Variants in ARVCF observed in about 807,000 individuals in gnomAD.
ARVCF encodes the protein splicing regulator ARVCF.
In ARVCF, 66 loss-of-function variants were observed where a neutral mutation model predicts 90.9. The ratio of observed to expected loss-of-function variants is 0.73; its 90% CI spans 0.60 to 0.89. ARVCF has a LOEUF of 0.89. Ranked by LOEUF, ARVCF falls within the 40% of genes least tolerant of loss-of-function variation. ARVCF has a pLI of 0.00. For missense variants in ARVCF, 1,469 were observed against 1,382.3 expected (o/e 1.06, Z -1.00); for synonymous variants, 653 against 603.4 (o/e 1.08, Z -1.21).
rs73387711 is a variant in ARVCF at position 19,970,221 on chromosome 22, G to C, written c.*535C>G. 3.0e-3 allele frequency: 2,923 copies of C among 989,508 alleles called. 72 individuals are homozygous for C. The African/African-American group carries it at 0.045, about 15-fold the overall frequency. 61.3% of individuals were successfully genotyped at this position (989,508 alleles called of 1,614,324 possible). On this transcript the variant is annotated 3_prime_UTR_variant, in exon 20 of 20. Transcript: ENST00000263207. Reference sequence around the variant, plus strand: ...TGACCCCCACCTTGCTGCTTCCAAAGCTTCCTTGCCCAGGGCTGGGCCTTG... The same window carrying C: ...TGACCCCCACCTTGCTGCTTCCAAACCTTCCTTGCCCAGGGCTGGGCCTTG...
intron 2 of ARVCF, among the ~76,000 whole-genome samples, chr22:20,006,167 G>C (rs2146473273): frequency 6.6e-6 from 1 of 152,278 alleles, no homozygotes; most frequent in East Asian, 1.9e-4. Context: ...AAAAAGTTCT[G>C]AAATTGGTTG....
At chr22:19,972,901 G>T in intron 15 of ARVCF, 24 bp downstream of exon 15, 1 of 1,613,852 alleles carries the variant, frequency 6.2e-7, no homozygotes, top group Non-Finnish European at 8.5e-7. Flanking sequence ...GCAGGGAATG[G>T]AAGGAAGGCC....
intron 2 of ARVCF, among the ~76,000 whole-genome samples, chr22:20,001,327 C>T (rs1350106194): frequency 1.3e-5 from 2 of 152,200 alleles, no homozygotes; most frequent in Non-Finnish European, 2.9e-5. Flanking sequence ...TGCACAGACC[C>T]ACCTGCAGGG....
At chr22:19,977,918 C>T in intron 8 of ARVCF, 40 bp downstream of exon 8, 1 of 1,563,292 alleles carries the variant, frequency 6.4e-7, no homozygotes, top group Admixed American at 1.8e-5. Context: ...ATGATCGTCT[C>T]TCCAGCCCTT....
At chr22:19,967,513 G>C, downstream of ARVCF, 1 of 399,412 alleles carries the variant, frequency 2.5e-6, no homozygotes, top group Non-Finnish European at 5.0e-6. Context: ...TGTCCATACT[G>C]TCACATGAAA....
chr22:20,012,953 G>A (rs1018904021), intron 1 of ARVCF, among the ~76,000 whole-genome samples: 2 of 152,236 alleles, frequency 1.3e-5, no homozygotes, highest in African/African-American at 4.8e-5. Context: ...AGGCAATGAG[G>A]GGCCCAGGTG....
chr22:19,974,379 T>C (rs1455636998), intron 11 of ARVCF, 140 bp from the exon 12 acceptor site: 2 of 1,040,078 alleles, frequency 1.9e-6, no homozygotes. Flanking sequence ...ACGTAATATT[T>C]ACTATCAACA....
chr22:20,012,086 C>CT (rs947326311), intron 1 of ARVCF, among the ~76,000 whole-genome samples: 15 of 127,126 alleles, frequency 1.2e-4, no homozygotes, highest in African/African-American at 3.7e-4. Flanking sequence ...AAGTCCCCCC[C>CT]CCCCACCCAG....
chr22:19,993,902 T>C (rs1178174193), intron 2 of ARVCF, among the ~76,000 whole-genome samples: 1 of 152,102 alleles, frequency 6.6e-6, no homozygotes, highest in Non-Finnish European at 1.5e-5. Context: ...ACAATGGACA[T>C]TGGCCACGTA....
chr22:20,007,165 G>A (rs887068682), intron 2 of ARVCF, among the ~76,000 whole-genome samples: 2 of 152,028 alleles, frequency 1.3e-5, no homozygotes, highest in Non-Finnish European at 2.9e-5. Flanking sequence ...TTGGGAGGCC[G>A]AGGCGGGAGG....
At chr22:19,968,575 G>T, downstream of ARVCF, 1 of 1,614,092 alleles carries the variant, frequency 6.2e-7, no homozygotes, top group South Asian at 1.1e-5. Flanking sequence ...GCTACTGGCT[G>T]ACAACGTGAT....
chr22:19,990,543 C>T lies in ARVCF; in HGVS notation c.210+42G>A, dbSNP rs781183958. On this transcript the variant is annotated intron_variant, in intron 3 of 19. Transcript: ENST00000263207. The stretch of plus-strand genomic sequence containing the variant: ...CACCAGGACCCACTGATTGTTTTCC[C>T]ACTTGGCAATTTTCACCCTTCCCAA... 5 of 1,562,532 alleles carry T rather than the reference C, an allele frequency of 3.2e-6. No homozygotes were observed. In the African/African-American group the frequency reaches 6.7e-5, roughly 21 times the overall value.
chr22:20,015,825 T>C (rs1467908379), intron 1 of ARVCF, among the ~76,000 whole-genome samples: 1 of 152,140 alleles, frequency 6.6e-6, no homozygotes, highest in Non-Finnish European at 1.5e-5. Flanking sequence ...TGAAGTCCTT[T>C]AGTTCCATTT....
intron 2 of ARVCF, among the ~76,000 whole-genome samples, chr22:19,994,416 G>A (rs1569182208): frequency 7.0e-6 from 1 of 142,752 alleles, no homozygotes; most frequent in Admixed American, 7.0e-5. Context: ...ATGGATGGAT[G>A]GGTGGGTCGG....
rs752903962 is a variant in ARVCF, at chr22:19,981,515, T to C, written c.592A>G (p.Ser198Gly). 1.0e-5 allele frequency: 16 copies of C among 1,568,318 alleles called. No homozygotes were observed. Among genetic ancestry groups the C allele is most frequent in the Non-Finnish European group, 1.3e-5 (15 of 1,158,306 alleles). The change falls in exon 5 of 20, where the codon AGC becomes GGC. Residue 198 changes from serine to glycine, a missense_variant. Transcript: ENST00000263207. ...GFPEGPEPRD[S>G]PSYGSLSRGL... Reference sequence around the variant, plus strand: ...CGGGACAGGCTGCCATAGCTGGGGCTGTCCCGGGGCTCGGGGCCTTCGGGA... The same window carrying C: ...CGGGACAGGCTGCCATAGCTGGGGCCGTCCCGGGGCTCGGGGCCTTCGGGA...
At chr22:19,984,773 T>C (rs988332735) in intron 3 of ARVCF, among the ~76,000 whole-genome samples, 1 of 152,208 alleles carries the variant, frequency 6.6e-6, no homozygotes, top group African/African-American at 2.4e-5. Context: ...CCCTTATCCA[T>C]GCAGGGCCTC....
At chr22:20,005,567 C>T (rs1246301455) in intron 2 of ARVCF, among the ~76,000 whole-genome samples, 1 of 152,158 alleles carries the variant, frequency 6.6e-6, no homozygotes, top group African/African-American at 2.4e-5. Flanking sequence ...CGCCTGTAAT[C>T]CCAACACTTT....
chr22:20,005,712 T>C (rs1944598011), intron 2 of ARVCF, among the ~76,000 whole-genome samples: 2 of 151,650 alleles, frequency 1.3e-5, no homozygotes, highest in African/African-American at 4.9e-5. Context: ...CCCAGCTACT[T>C]GTGAACTTGG....
chr22:20,003,985 T>C (rs151074774), intron 2 of ARVCF, among the ~76,000 whole-genome samples: 1 of 152,158 alleles, frequency 6.6e-6, no homozygotes, highest in East Asian at 1.9e-4. Context: ...ATGCATTTTT[T>C]AAAAACTCTA....
Sources: gnomAD v4.1 joint callset for allele counts (sites outside exome capture counted in the v4.1 genomes callset) on GRCh38, gnomAD v4.1.1 for gene constraint, MANE v1.5 for transcripts, NCBI Gene and HGNC (gene_info 2026-07-23, HGNC 2026-07-21) for gene names.